Variants in SH3RF1 observed in about 807,000 individuals in gnomAD.
SH3RF1 encodes E3 ubiquitin-protein ligase SH3RF1.
In SH3RF1, 32 loss-of-function variants were observed where a neutral mutation model predicts 74.0. The ratio of observed to expected loss-of-function variants is 0.43; its 90% confidence interval spans 0.33 to 0.58. SH3RF1 has a LOEUF of 0.58. Among genes scored for constraint, SH3RF1 ranks in the 20% least tolerant of loss-of-function variants. The pLI is 0.05. For missense variants in SH3RF1, 954 were observed against 1,130.9 expected (o/e 0.84, Z 2.24); for synonymous variants, 396 against 439.6 (o/e 0.90, Z 1.24).
intron 3 of SH3RF1, among the ~76,000 whole-genome samples, chr4:169,156,196 C>T (rs956162562): frequency 6.6e-6 from 1 of 152,098 alleles, no homozygotes; most frequent in Non-Finnish European, 1.5e-5. Context: ...AGAGCATCAA[C>T]CAAGATAATC....
intron 10 of SH3RF1, among the ~76,000 whole-genome samples, chr4:169,110,112 C>G (rs930382889): frequency 2.0e-5 from 3 of 151,576 alleles, no homozygotes; most frequent in Non-Finnish European, 4.4e-5. Flanking sequence ...CAGTGGCTTA[C>G]ACCTGTAATC....
At chr4:169,147,309 C>T (rs1733907876) in intron 4 of SH3RF1, among the ~76,000 whole-genome samples, 1 of 152,108 alleles carries the variant, frequency 6.6e-6, no homozygotes, top group Admixed American at 6.6e-5. Context: ...ATACATGTAT[C>T]TCAGGAGGTT....
chr4:169,171,859 A>C (rs984671053), intron 2 of SH3RF1, among the ~76,000 whole-genome samples: 3 of 152,228 alleles, frequency 2.0e-5, no homozygotes, highest in African/African-American at 7.2e-5. Flanking sequence ...AATTTTAAAA[A>C]GATCCACTGG....
intron 11 of SH3RF1, among the ~76,000 whole-genome samples, chr4:169,104,049 G>C (rs1195826284): frequency 2.0e-5 from 3 of 152,170 alleles, no homozygotes; most frequent in Admixed American, 2.0e-4. Flanking sequence ...TGAACAGCAG[G>C]AGCCTGCTGT....
At chr4:169,254,135 G>A (rs1490378838) in intron 2 of SH3RF1, among the ~76,000 whole-genome samples, 2 of 152,188 alleles carry the variant, frequency 1.3e-5, no homozygotes, top group African/African-American at 4.8e-5. Flanking sequence ...TATACATGTG[G>A]TTAGACACTC....
intron 11 of SH3RF1, among the ~76,000 whole-genome samples, chr4:169,097,783 T>C (rs1291090268): frequency 2.0e-5 from 3 of 152,194 alleles, no homozygotes; most frequent in Non-Finnish European, 4.4e-5. Context: ...CAATAAAATG[T>C]TGCAGAAATG....
intron 2 of SH3RF1, among the ~76,000 whole-genome samples, chr4:169,253,360 T>C (rs1032150922): frequency 6.6e-6 from 1 of 152,250 alleles, no homozygotes; most frequent in Non-Finnish European, 1.5e-5. Context: ...GGTATTTCCA[T>C]GTATATAGTT....
intron 2 of SH3RF1, among the ~76,000 whole-genome samples, chr4:169,161,253 C>T (rs1734144816): frequency 6.6e-6 from 1 of 152,188 alleles, no homozygotes; most frequent in Non-Finnish European, 1.5e-5. Context: ...CAAACTGTTA[C>T]AGTAATTCTG....
chr4:169,181,852 T>C (rs908432248), intron 2 of SH3RF1, among the ~76,000 whole-genome samples: 2 of 152,248 alleles, frequency 1.3e-5, no homozygotes, highest in African/African-American at 4.8e-5. Flanking sequence ...CCCACCACTA[T>C]GTAAATCCCC....
In SH3RF1 at chr4:169,136,425, G is replaced by C; in HGVS notation, c.961C>G (p.Arg321Gly). 6.2e-7 allele frequency: 1 copy of C among 1,607,808 alleles called. No homozygotes were observed. The highest frequency in any genetic ancestry group is 1.3e-5 in the African/African-American group (1 of 74,860). The change falls in exon 5 of 12, where the codon CGC (arginine) becomes GGC (glycine). Residue 321 changes from arginine (R) to glycine (G), a missense_variant. Physicochemically the swap from Arg to Gly is moderately radical, Grantham distance 125. Around this residue, in one of 3 missense-constraint regions of SH3RF1, gnomAD observed 854 missense variants for 962.5 expected, o/e 0.89. Coordinates refer to ENST00000284637, the MANE Select transcript of SH3RF1 (RefSeq NM_020870.4). ...ANKSSQASQN[R>G]HSMEISPPVL... ...GGGGGGCTGATCTCCATGGAGTGGC[G>C]GTTCTGGGATGCCTGGGAGGACTTG... is the stretch of plus-strand genomic sequence containing the variant.
At chr4:169,256,403 A>T (rs1731195492) in intron 2 of SH3RF1, among the ~76,000 whole-genome samples, 1 of 152,096 alleles carries the variant, frequency 6.6e-6, no homozygotes, top group African/African-American at 2.4e-5. Flanking sequence ...AAGCTGACTG[A>T]CTCAACCAGT....
At position 169,269,266 on chromosome 4, in the gene SH3RF1, T is replaced by C. The variant is rs575183801; in HGVS notation, c.-54A>G. 5 of 1,496,590 alleles carry C rather than the reference T, an allele frequency of 3.3e-6. No homozygotes were observed. In the South Asian group the frequency reaches 4.0e-5, roughly 12 times the overall value. The allele number at this position is 1,496,590 out of a possible 1,614,324, so 92.7% of individuals were successfully genotyped here. A position where few individuals can be genotyped will look rare whatever the true frequency, so the allele number is the denominator to read the frequency against. ...TCAGAAATGTTCATAGTTGTGTGCA[T>C]CCCTTAAAATGACTCATGTAACATC... On this transcript the variant is annotated 5_prime_UTR_variant, in exon 2 of 12. It removes an upstream start codon present in the reference 5' UTR. Coordinates refer to ENST00000284637, the MANE Select transcript of SH3RF1 (RefSeq NM_020870.4).
chr4:169,254,678 G>GTACAT (rs966108099), intron 2 of SH3RF1, among the ~76,000 whole-genome samples: 2 of 152,108 alleles, frequency 1.3e-5, no homozygotes, highest in Admixed American at 6.6e-5. Flanking sequence ...ATTTTTAAAG[G>GTACAT]TACATAACAT....
intron 2 of SH3RF1, among the ~76,000 whole-genome samples, chr4:169,255,182 C>T (rs1731165942): frequency 1.3e-5 from 2 of 152,140 alleles, no homozygotes; most frequent in Non-Finnish European, 1.5e-5. Context: ...AATGTTCACC[C>T]AGTGTCGTTT....
At chr4:169,150,080 G>A (rs1733950907) in intron 4 of SH3RF1, among the ~76,000 whole-genome samples, 1 of 152,112 alleles carries the variant, frequency 6.6e-6, no homozygotes, top group Admixed American at 6.6e-5. Context: ...CCATTGTTAA[G>A]GCTGATAACA....
intron 2 of SH3RF1, among the ~76,000 whole-genome samples, chr4:169,207,373 G>A (rs991742018): frequency 1.3e-5 from 2 of 152,180 alleles, no homozygotes; most frequent in African/African-American, 4.8e-5. Context: ...GTTACAGTGA[G>A]CCATGATCGT....
chr4:169,108,048 G>A (rs1409442372), intron 10 of SH3RF1, among the ~76,000 whole-genome samples: 3 of 152,142 alleles, frequency 2.0e-5, no homozygotes, highest in Non-Finnish European at 4.4e-5. Context: ...TCTTTGGTCT[G>A]CTAGGAAAAT....
At chr4:169,203,659 G>C (rs1475101945) in intron 2 of SH3RF1, among the ~76,000 whole-genome samples, 1 of 152,054 alleles carries the variant, frequency 6.6e-6, no homozygotes, top group African/African-American at 2.4e-5. Flanking sequence ...TGATAGAAAA[G>C]AATGTAAGCT....
chr4:169,222,770 ACTCT>A (rs1730588691), intron 2 of SH3RF1, among the ~76,000 whole-genome samples: 1 of 151,830 alleles, frequency 6.6e-6, no homozygotes, highest in African/African-American at 2.4e-5. Flanking sequence ...TATGTTAACA[ACTCT>A]CTATTTTGTG....
Sources: gnomAD v4.1 joint callset for allele counts (sites outside exome capture counted in the v4.1 genomes callset) on GRCh38, gnomAD v4.1.1 for gene constraint, gnomAD v4.1.1 regional missense constraint, MANE v1.5 for transcripts, NCBI Gene and HGNC (gene_info 2026-07-23, HGNC 2026-07-21) for gene names.